Variants in MLLT6 observed in about 807,000 individuals in gnomAD.
The protein encoded by MLLT6 is protein AF-17.
Under a neutral mutation model 103.0 loss-of-function variants are expected in MLLT6, and 22 were observed. The ratio of observed to expected loss-of-function variants is 0.21; its 90% confidence interval spans 0.15 to 0.31. The LOEUF is 0.31. MLLT6 is among the 10% of genes least tolerant of loss of function. The probability of loss-of-function intolerance (pLI) is 1.00; values close to 1 mark genes in which losing one functional copy is unlikely to be tolerated. For missense variants in MLLT6, 1,199 were observed against 1,441.7 expected (o/e 0.83, Z 2.73); for synonymous variants, 606 against 623.5 (o/e 0.97, Z 0.42).
At chr17:38,710,146 G>T (rs909924469) in intron 6 of MLLT6, among the ~76,000 whole-genome samples, 1 of 152,202 alleles carries the variant, frequency 6.6e-6, no homozygotes, top group Non-Finnish European at 1.5e-5. Context: ...AGGGACTAGC[G>T]TGGACAAAGT....
chr17:38,722,854 G>A (rs1415651010), intron 18 of MLLT6, 86 bp downstream of exon 18: 8 of 988,982 alleles, frequency 8.1e-6, no homozygotes, highest in African/African-American at 1.6e-5. Flanking sequence ...GCCAGGAGAG[G>A]GCAGGAGCAG....
At chr17:38,720,219 G>A (rs938645352) in intron 14 of MLLT6, 153 bp from the exon 15 acceptor site, 25 of 794,956 alleles carry the variant, frequency 3.1e-5, no homozygotes, top group East Asian at 5.4e-5. Context: ...CCCAAGTCCC[G>A]CCTCTCTTCT....
chr17:38,722,049 G>A lies in MLLT6; in HGVS notation c.2614G>A (p.Ala872Thr), dbSNP rs891665708. ...GAACGGGTTGGGCCGGGCACCCGGG[G>A]CAGCGGGGCTGGGGGCCATGCCCAT... ...PQNGLGRAPG[A>T]AGLGAMPMAE... The change falls in exon 17 of 20, where the codon GCA becomes ACA. Residue 872 changes from alanine to threonine, a missense_variant. By Grantham distance (58) the Ala-to-Thr change is moderately conservative (BLOSUM62 0). Coordinates refer to ENST00000621332, the MANE Select transcript of MLLT6 (RefSeq NM_005937.4). The A allele has an allele frequency of 1.4e-6, 2 of 1,408,452 alleles. No homozygotes were observed. The highest frequency in any genetic ancestry group is 1.8e-6 in the Non-Finnish European group (2 of 1,085,288). 87.2% of individuals were successfully genotyped at this position (1,408,452 alleles called of 1,614,324 possible).
chr17:38,726,300 T>C lies in MLLT6; in HGVS notation c.*702T>C. On this transcript the variant is annotated 3_prime_UTR_variant, in exon 20 of 20. Transcript: ENST00000621332. The stretch of plus-strand genomic sequence containing the variant: ...GGTGCCCCGCCCTTTGTTTGCACTA[T>C]TGGACTTAGGAGTGCCGAGGGTGGG... 1 of 234,358 alleles carries C rather than the reference T, an allele frequency of 4.3e-6. No homozygotes were observed. Among genetic ancestry groups the C allele is most frequent in the Admixed American group, 5.6e-5 (1 of 17,804 alleles). The allele number at this position is 234,358 out of a possible 1,614,324, so 14.5% of individuals were successfully genotyped here. A position where few individuals can be genotyped will look rare whatever the true frequency, so the allele number is the denominator to read the frequency against.
chr17:38,715,920 T>C (rs1279016066), intron 9 of MLLT6, 92 bp downstream of exon 9: 1 of 1,097,096 alleles, frequency 9.1e-7, no homozygotes, highest in Non-Finnish European at 1.3e-6. Context: ...TGGTTTTGCA[T>C]CTCATTTACT....
chr17:38,716,047 A>G lies in MLLT6; in HGVS notation c.1036+219A>G. The G allele has an allele frequency of 1.6e-6, 1 of 610,200 alleles. No individual in the cohort carries two copies. Among genetic ancestry groups the G allele is most frequent in the East Asian group, 2.8e-5 (1 of 36,324 alleles). The allele number at this position is 610,200 out of a possible 1,614,324, so 37.8% of individuals were successfully genotyped here. A position where few individuals can be genotyped will look rare whatever the true frequency, so the allele number is the denominator to read the frequency against. On this transcript the variant is annotated intron_variant, in intron 9 of 19. Coordinates refer to ENST00000621332, the MANE Select transcript of MLLT6 (RefSeq NM_005937.4). The surrounding 1 kb of genome is among the most constrained non-coding windows in gnomAD (Gnocchi z 5.6). ...CTTCAGGGGCCACCCCACCAACCTCATAACAGTATTCCTTATCCCCTACAT... is the reference window on the plus strand; with the variant it reads ...CTTCAGGGGCCACCCCACCAACCTCGTAACAGTATTCCTTATCCCCTACAT...
Position 38,720,368 on chromosome 17 carries a change from G to A in MLLT6, c.2156-4G>A, listed in dbSNP as rs779522905. On this transcript the variant is annotated splice_polypyrimidine_tract_variant and splice_region_variant and intron_variant, in intron 14 of 19. Coordinates refer to ENST00000621332, the MANE Select transcript of MLLT6 (RefSeq NM_005937.4). Reference sequence around the variant, plus strand: ...CTCCCTCAGGTTCCTCGCTCTCTCCGCAGTCGTGGAGATGCTGAAGGCGCT... The same window carrying A: ...CTCCCTCAGGTTCCTCGCTCTCTCCACAGTCGTGGAGATGCTGAAGGCGCT... 1.1e-5 allele frequency: 15 copies of A among 1,306,464 alleles called. No homozygotes were observed. Among genetic ancestry groups the A allele is most frequent in the Non-Finnish European group, 1.5e-5 (15 of 996,048 alleles). 80.9% of individuals were successfully genotyped at this position (1,306,464 alleles called of 1,614,324 possible). A position where few individuals can be genotyped will look rare whatever the true frequency, so the allele number is the denominator to read the frequency against.
At position 38,714,913 on chromosome 17, in the gene MLLT6, C is replaced by T. The variant is rs185706574; in HGVS notation, c.820-699C>T. On this transcript the variant is annotated intron_variant, in intron 8 of 19. Transcript: ENST00000621332. ...AGAACATTTCAGTGCAGAGTGGCAG[C>T]TGTTGACATGTGGTCATGTGTGCAC... Among the ~76,000 whole-genome samples, 960 of 152,298 alleles carry T rather than the reference C, an allele frequency of 6.3e-3. 4 individuals carry two copies. The highest frequency in any genetic ancestry group is 0.01 in the Non-Finnish European group (698 of 68,028).
In MLLT6 at chr17:38,722,155, C is replaced by T. The variant is rs960899123; in HGVS notation, c.2720C>T (p.Ala907Val). ...NGLLGGLNGAAAPNPASLSQA... is the reference protein window; with the variant it reads ...NGLLGGLNGAVAPNPASLSQA... ...CTCCTTGGGGGGTTGAATGGGGCCG[C>T]TGCCCCCAACCCCGCAAGCTTGAGC... The change falls in exon 17 of 20, where the codon GCT becomes GTT. Residue 907 changes from alanine (A) to valine (V), a missense_variant. Around this residue, in one of 7 missense-constraint regions of MLLT6, gnomAD observed 1,034 missense variants for 1,091.5 expected, o/e 0.95. Coordinates refer to ENST00000621332, the MANE Select transcript of MLLT6 (RefSeq NM_005937.4). 2 of 1,373,304 alleles carry T rather than the reference C, an allele frequency of 1.5e-6. No individual in the cohort carries two copies. Among genetic ancestry groups the T allele is most frequent in the Non-Finnish European group, 1.9e-6 (2 of 1,068,992 alleles). 85.1% of individuals were successfully genotyped at this position (1,373,304 alleles called of 1,614,324 possible).
chr17:38,710,305 T>C (rs1358244590), intron 6 of MLLT6, among the ~76,000 whole-genome samples: 1 of 152,134 alleles, frequency 6.6e-6, no homozygotes, highest in Non-Finnish European at 1.5e-5. Flanking sequence ...GAAAGGGTGC[T>C]ACTCTGTGTC....
In MLLT6 at chr17:38,722,180, C is replaced by T. The variant is rs1905790733; in HGVS notation, c.2745C>T (p.Ser915=). Residue 915 remains serine (S), a synonymous_variant, in exon 17 of 20, where the codon AGC becomes AGT. Coordinates refer to ENST00000621332, the MANE Select transcript of MLLT6 (RefSeq NM_005937.4). ...GAAAPNPASL[S]QAGGAPTLQL... is the part of the protein sequence containing the mutation. ...CTGCCCCCAACCCCGCAAGCTTGAG[C>T]CAGGCTGGCGGGGCCCCCACGCTGC... 1 of 1,366,366 alleles carries T rather than the reference C, an allele frequency of 7.3e-7. No homozygotes were observed. The highest frequency in any genetic ancestry group is 1.5e-5 in the African/African-American group (1 of 65,392). 84.6% of individuals were successfully genotyped at this position (1,366,366 alleles called of 1,614,324 possible).
chr17:38,706,754 G>A, intron 1 of MLLT6, 196 bp from the exon 2 acceptor site: 2 of 459,312 alleles, frequency 4.4e-6, no homozygotes, highest in Non-Finnish European at 7.9e-6. Context: ...TGTTTGAAGT[G>A]CTTAATTGTG....
In MLLT6 at chr17:38,709,270, T is replaced by C; in HGVS notation, c.452T>C (p.Val151Ala). ...NRHGCRQAFHVTCAQMAGLLC... is the reference protein window; with the variant it reads ...NRHGCRQAFHATCAQMAGLLC... Reference sequence around the variant, plus strand: ...CATGGATGTCGACAAGCTTTCCACGTCACCTGGTGAGACCCCTGTCCCACC... The same window carrying C: ...CATGGATGTCGACAAGCTTTCCACGCCACCTGGTGAGACCCCTGTCCCACC... The change falls in exon 5 of 20, where the codon GTC becomes GCC. Residue 151 changes from valine to alanine, a missense_variant. By Grantham distance (64) the Val-to-Ala change is moderately conservative. Coordinates refer to ENST00000621332, the MANE Select transcript of MLLT6 (RefSeq NM_005937.4). The surrounding 1 kb of genome is among the most constrained non-coding windows in gnomAD (Gnocchi z 4.3). 1 of 1,613,654 alleles carries C rather than the reference T, an allele frequency of 6.2e-7. No individual in the cohort carries two copies. The highest frequency in any genetic ancestry group is 8.5e-7 in the Non-Finnish European group (1 of 1,179,628).
At chr17:38,722,323 GA>G in intron 17 of MLLT6, 96 bp downstream of exon 17, 2 of 975,252 alleles carry the variant, frequency 2.1e-6, no homozygotes, top group Non-Finnish European at 2.8e-6. Flanking sequence ...TCCCTAAAAG[GA>G]AAAATGGCCT....
chr17:38,728,222 C>A lies in MLLT6; in HGVS notation c.*2624C>A, dbSNP rs1005088572. 4.3e-6 allele frequency: 1 copy of A among 233,354 alleles called. No individual in the cohort carries two copies. The highest frequency in any genetic ancestry group is 8.5e-6 in the Non-Finnish European group (1 of 118,102). 14.5% of individuals were successfully genotyped at this position (233,354 alleles called of 1,614,324 possible). A position where few individuals can be genotyped will look rare whatever the true frequency, so the allele number is the denominator to read the frequency against. The stretch of plus-strand genomic sequence containing the variant: ...ATGAGAGAGGTAGTGGCATTTCCTT[C>A]TCAGGGAGCTTCAATGGGAAAGGTC... On this transcript the variant is annotated 3_prime_UTR_variant, in exon 20 of 20. Coordinates refer to ENST00000621332, the MANE Select transcript of MLLT6 (RefSeq NM_005937.4).
At chr17:38,707,652 G>T in intron 3 of MLLT6, 111 bp from the exon 4 acceptor site, 1 of 1,282,380 alleles carries the variant, frequency 7.8e-7, no homozygotes, top group East Asian at 2.3e-5. Flanking sequence ...GGCTGGCGCT[G>T]GAATCTGATG....
chr17:38,715,590 C>T (rs745671552), intron 8 of MLLT6, 22 bp from the exon 9 acceptor site: 33 of 1,595,920 alleles, frequency 2.1e-5, no homozygotes, highest in Non-Finnish European at 1.5e-5. Context: ...GGTGTTGAAC[C>T]TTCCTCTCTC....
chr17:38,729,405 A>G lies in MLLT6; in HGVS notation c.*3807A>G, dbSNP rs1431340608. ...GCTCCCGACCACTTTGTCTTGACCT[A>G]CTGAAAAGTTGGGAACTGAGGGGTG... On this transcript the variant is annotated 3_prime_UTR_variant, in exon 20 of 20. Transcript: ENST00000621332. 1 of 233,504 alleles carries G rather than the reference A, an allele frequency of 4.3e-6. No homozygotes were observed. Among genetic ancestry groups the G allele is most frequent in the Admixed American group, 5.6e-5 (1 of 17,796 alleles). 14.5% of individuals were successfully genotyped at this position (233,504 alleles called of 1,614,324 possible). A position where few individuals can be genotyped will look rare whatever the true frequency, so the allele number is the denominator to read the frequency against.
At chr17:38,707,580 G>C (rs747345993) in intron 3 of MLLT6, 40 bp downstream of exon 3, 1 of 1,603,294 alleles carries the variant, frequency 6.2e-7, no homozygotes, top group Non-Finnish European at 8.5e-7. Context: ...AGGGCCCCCT[G>C]AGCAGGGTCT....
Sources: allele counts gnomAD v4.1 joint callset (sites outside exome capture counted in the v4.1 genomes callset), GRCh38; gene constraint gnomAD v4.1.1; regional missense constraint gnomAD v4.1.1; non-coding constraint Gnocchi (gnomAD v3.1); transcripts MANE v1.5; gene names NCBI Gene and HGNC (gene_info 2026-07-23, HGNC 2026-07-21).